The following CAMTA1 variants were observed in gnomAD, a reference collection of about 807,000 sequenced individuals.
CAMTA1 encodes calmodulin-binding transcription activator 1.
A neutral mutation model predicts 170.9 loss-of-function variants in CAMTA1; 27 were observed. That is an observed-to-expected ratio of 0.16 (90% confidence interval 0.12 to 0.22). The LOEUF is 0.22. Among genes scored for constraint, CAMTA1 ranks in the 10% least tolerant of loss-of-function variants. The probability of loss-of-function intolerance (pLI) is 1.00; values close to 1 mark genes in which losing one functional copy is unlikely to be tolerated. For missense variants in CAMTA1, 1,619 were observed against 2,217.2 expected, an observed-to-expected ratio of 0.73 and a Z score of 5.42; for synonymous variants, 833 against 891.5, an observed-to-expected ratio of 0.93 and a Z score of 1.17.
At chr1:7,212,910 C>T (rs941291186) in intron 4 of CAMTA1, among the ~76,000 whole-genome samples, 1 of 152,152 alleles carries the variant, frequency 6.6e-6, no homozygotes, top group African/African-American at 2.4e-5. Context: ...AATTGTCTCG[C>T]GATTCATCTA....
Position 7,532,042 on chromosome 1 carries a change from G to A in CAMTA1, c.510+64141G>A, listed in dbSNP as rs1011917449. Among the ~76,000 whole-genome samples, 13 of 152,336 alleles carry A rather than the reference G, an allele frequency of 8.5e-5. No homozygotes were observed. The highest frequency in any genetic ancestry group is 2.9e-4 in the African/African-American group (12 of 41,590). ...GTTCAATACCATGAAGGAAATGAAA[G>A]CAGTGGAAGAAAGGCAGAGAGGAAG... is the stretch of plus-strand genomic sequence containing the variant. On this transcript the variant is annotated intron_variant, in intron 6 of 22. Coordinates refer to ENST00000303635, the MANE Select transcript of CAMTA1 (RefSeq NM_015215.4). This position sits in a 1 kb window ranked among gnomAD's most constrained non-coding sequence, Gnocchi z 4.2.
chr1:6,789,150 A>G (rs913230928), intron 1 of CAMTA1, among the ~76,000 whole-genome samples: 3 of 152,158 alleles, frequency 2.0e-5, no homozygotes, highest in Non-Finnish European at 4.4e-5. Flanking sequence ...GTTGACATAC[A>G]CAGAGCAACC....
At chr1:7,356,947 T>C (rs1248347325) in intron 5 of CAMTA1, among the ~76,000 whole-genome samples, 1 of 152,204 alleles carries the variant, frequency 6.6e-6, no homozygotes, top group East Asian at 1.9e-4. Flanking sequence ...TCATGTCAGC[T>C]GCTGCTGTGA....
intron 11 of CAMTA1, among the ~76,000 whole-genome samples, chr1:7,718,670 G>C (rs1372277342): frequency 1.3e-5 from 2 of 150,162 alleles, no homozygotes; most frequent in Non-Finnish European, 3.0e-5. Context: ...CGATTCTCCT[G>C]CCTCAGCCTC....
At chr1:7,556,443 C>T (rs1171621067) in intron 6 of CAMTA1, among the ~76,000 whole-genome samples, 9 of 152,226 alleles carry the variant, frequency 5.9e-5, no homozygotes, top group Admixed American at 2.6e-4. Flanking sequence ...TTCTTCCGGA[C>T]CCTGGCCAAG....
rs201433803 is a variant in CAMTA1 at position 7,738,456 on chromosome 1, T to A, written c.4156T>A (p.Cys1386Ser). 6.2e-7 allele frequency: 1 copy of A among 1,613,868 alleles called. No individual in the cohort carries two copies. The highest frequency in any genetic ancestry group is 1.3e-5 in the African/African-American group (1 of 74,982). ...SYRDSAENEE[C>S]GQPMDDIQVN... ...CCGTGATAGTGCAGAAAATGAAGAA[T>A]GCGGCCAGCCCATGGATGACATACA... Residue 1386 changes from cysteine to serine, a missense_variant, in exon 16 of 23, where the codon TGC becomes AGC. Cys to Ser is a moderately radical substitution (Grantham distance 112). Around this residue, in one of 8 missense-constraint regions of CAMTA1, gnomAD observed 370 missense variants for 429.4 expected, o/e 0.86. Transcript: ENST00000303635. This position sits in a 1 kb window ranked among gnomAD's most constrained non-coding sequence, Gnocchi z 4.9.
At chr1:6,877,648 C>CT (rs2149038893) in intron 3 of CAMTA1, among the ~76,000 whole-genome samples, 2 of 152,308 alleles carry the variant, frequency 1.3e-5, no homozygotes, top group East Asian at 3.9e-4. Flanking sequence ...CCGCACACAT[C>CT]TTCAGGTGGG....
intron 5 of CAMTA1, among the ~76,000 whole-genome samples, chr1:7,280,700 G>A (rs1238994145): frequency 6.6e-6 from 1 of 152,228 alleles, no homozygotes; most frequent in Non-Finnish European, 1.5e-5. Context: ...TGGTGGGATT[G>A]TAATTCAAAT....
intron 3 of CAMTA1, among the ~76,000 whole-genome samples, chr1:6,826,269 G>A (rs1004373019): frequency 1.3e-5 from 2 of 152,160 alleles, no homozygotes; most frequent in African/African-American, 4.8e-5. Flanking sequence ...TTGTTAACTT[G>A]TCTCAACTGA....
At chr1:7,025,232 G>A (rs1381536166) in intron 3 of CAMTA1, among the ~76,000 whole-genome samples, 2 of 152,212 alleles carry the variant, frequency 1.3e-5, no homozygotes, top group African/African-American at 2.4e-5. Context: ...CTATTGCCGC[G>A]GTAGCTGATC....
In CAMTA1 at chr1:7,736,003, G is replaced by A. The variant is rs2096769578; in HGVS notation, c.3067-341G>A. 6.6e-6 allele frequency among the ~76,000 whole-genome samples: 1 copy of A among 152,002 alleles called. No homozygotes were observed. The highest frequency in any genetic ancestry group is 6.5e-5 in the Admixed American group (1 of 15,272). On this transcript the variant is annotated intron_variant, in intron 12 of 22. Transcript: ENST00000303635. This position sits in a 1 kb window ranked among gnomAD's most constrained non-coding sequence, Gnocchi z 4.5. ...TTGGCCAGGCTGGTCTCGAACTCCT[G>A]ACCACAAGAGATCTGCCCGCCTCAG...
At chr1:6,880,383 G>GTTT (rs34745856) in intron 3 of CAMTA1, among the ~76,000 whole-genome samples, 1,841 of 67,052 alleles carry the variant, frequency 0.027, 75 homozygotes, top group African/African-American at 0.036. Context: ...CTCTAAAAGT[G>GTTT]TTTTTTTTTT....
intron 3 of CAMTA1, among the ~76,000 whole-genome samples, chr1:6,879,369 A>T (rs1330906251): frequency 6.6e-6 from 1 of 152,180 alleles, no homozygotes; most frequent in African/African-American, 2.4e-5. Flanking sequence ...ATTTGATGAT[A>T]TGTCCTTTGG....
chr1:6,787,950 T>G (rs571825265), intron 1 of CAMTA1, among the ~76,000 whole-genome samples: 3 of 152,190 alleles, frequency 2.0e-5, no homozygotes, highest in Non-Finnish European at 4.4e-5. Flanking sequence ...GTGACAGAAC[T>G]AGGAACGAAT....
intron 6 of CAMTA1, among the ~76,000 whole-genome samples, chr1:7,577,311 G>A (rs1185293295): frequency 1.3e-5 from 2 of 152,050 alleles, no homozygotes; most frequent in Non-Finnish European, 2.9e-5. Flanking sequence ...GCCCCCCCTT[G>A]TGCTTATTTT....
At chr1:7,479,180 ATTAATAT>A (rs1441492748) in intron 6 of CAMTA1, among the ~76,000 whole-genome samples, 2 of 152,202 alleles carry the variant, frequency 1.3e-5, no homozygotes, top group Non-Finnish European at 2.9e-5. Flanking sequence ...TTTTAGCACC[ATTAATAT>A]TTCAGTGGCT....
rs555023178 is a variant in CAMTA1, at chr1:7,667,702, C to A, written c.2652+2503C>A. Among the ~76,000 whole-genome samples the A allele has an allele frequency of 3.6e-4, 55 of 152,312 alleles. No individual in the cohort carries two copies. The South Asian group carries it at 6.6e-3, about 18-fold the overall frequency. On this transcript the variant is annotated intron_variant, in intron 9 of 22. Coordinates refer to ENST00000303635, the MANE Select transcript of CAMTA1 (RefSeq NM_015215.4). ...TGTCCTTTCTGGGCCTGCAGTTCAG[C>A]AGCTCGCCACACGAGGGCGGCCCAG...
At position 7,173,663 on chromosome 1, in the gene CAMTA1, CAGGCGTGA is replaced by C. The variant is rs201804079; in HGVS notation, c.303-75827_303-75820del. On this transcript the variant is annotated intron_variant, in intron 4 of 22. Coordinates refer to ENST00000303635, the MANE Select transcript of CAMTA1 (RefSeq NM_015215.4). The surrounding 1 kb of genome is among the most constrained non-coding windows in gnomAD (Gnocchi z 5.4). Reference sequence around the variant, plus strand: ...TCAGCCTCCCAAAGTGCTGAGATTACAGGCGTGAGCCACCGTGCCCAGCCCAGAGCTTA... The same window carrying C: ...TCAGCCTCCCAAAGTGCTGAGATTACGCCACCGTGCCCAGCCCAGAGCTTA... Among the ~76,000 whole-genome samples, 2 of 152,216 alleles carry C rather than the reference CAGGCGTGA, an allele frequency of 1.3e-5. No individual in the cohort carries two copies. Among genetic ancestry groups the C allele is most frequent in the East Asian group, 3.9e-4 (2 of 5,166 alleles).
chr1:7,546,762 G>A (rs2094699052), intron 6 of CAMTA1, among the ~76,000 whole-genome samples: 1 of 152,084 alleles, frequency 6.6e-6, no homozygotes, highest in African/African-American at 2.4e-5. Context: ...CAGTGACGTT[G>A]AGCACTTTTT....
Sources: allele counts gnomAD v4.1 joint callset (sites outside exome capture counted in the v4.1 genomes callset), GRCh38; gene constraint gnomAD v4.1.1; regional missense constraint gnomAD v4.1.1; non-coding constraint Gnocchi (gnomAD v3.1); transcripts MANE v1.5; gene names NCBI Gene and HGNC (gene_info 2026-07-23, HGNC 2026-07-21).